Variants in SLC38A5 observed in about 807,000 individuals in gnomAD.
The protein encoded by SLC38A5 is sodium-coupled neutral amino acid transporter 5.
In SLC38A5, 9 loss-of-function variants were observed where a neutral mutation model predicts 34.6. The ratio of observed to expected loss-of-function variants is 0.26; its 90% CI spans 0.16 to 0.45. The LOEUF (loss-of-function observed/expected upper bound fraction) is 0.45. Ranked by LOEUF, SLC38A5 falls within the 20% of genes least tolerant of loss-of-function variation. The pLI is 1.00. For missense variants in SLC38A5, 253 were observed against 394.7 expected (o/e 0.64, Z 3.04); for synonymous variants, 157 against 155.6 (o/e 1.01, Z -0.07).
intron 8 of SLC38A5, among the ~76,000 whole-genome samples, chrX:48,465,310 T>TCACACACA (rs57524341): frequency 1.9e-5 from 2 of 103,459 alleles, no homozygotes; most frequent in East Asian, 3.1e-4. Context: ...CATTCAGGGA[T>TCACACACA]CACACACACA....
chrX:48,468,206 AAG>A, intron 2 of SLC38A5: 1 of 1,018,118 alleles, frequency 9.8e-7, no homozygotes, highest in Non-Finnish European at 1.2e-6. Flanking sequence ...AATAGTGGGG[AAG>A]AGAGAGACAG....
chrX:48,462,243 A>G lies in SLC38A5; in HGVS notation c.623T>C (p.Phe208Ser). 8.3e-7 allele frequency: 1 copy of G among 1,211,331 alleles called. No individual in the cohort carries two copies. Among genetic ancestry groups the G allele is most frequent in the Non-Finnish European group, 1.1e-6 (1 of 895,281 alleles). Reference sequence around the variant, plus strand: ...TTCTCTGTGACTCACCGAAACAAGGAAAAACAGCATGCAGGTCAGAGAGAG... The same window carrying G: ...TTCTCTGTGACTCACCGAAACAAGGGAAAACAGCATGCAGGTCAGAGAGAG... The part of the protein sequence containing the change: ...SGLSLTCMLF[F>S]LVSVIYKKFQ... Residue 208 changes from phenylalanine (F) to serine (S), a missense_variant, in exon 10 of 17, where the codon TTC becomes TCC. Phe to Ser is a radical substitution (Grantham distance 155, BLOSUM62 -2). Coordinates refer to ENST00000620913, the MANE Select transcript of SLC38A5 (RefSeq NM_033518.4).
At chrX:48,460,100 C>T (rs1420778499) in intron 14 of SLC38A5, among the ~76,000 whole-genome samples, 1 of 111,307 alleles carries the variant, frequency 9.0e-6, no homozygotes, top group Non-Finnish European at 1.9e-5. Flanking sequence ...TCTGTCTGAA[C>T]ACCCATCGGC....
At position 48,461,596 on chromosome X, in the gene SLC38A5, C is replaced by G. The variant is rs887249692; in HGVS notation, c.851+122G>C. 12 of 769,137 alleles carry G rather than the reference C, an allele frequency of 1.6e-5. No homozygotes were observed. The African/African-American group carries it at 2.5e-4, about 16-fold the overall frequency. The allele number at this position is 769,137 out of a possible 1,213,427, so 63.4% of individuals were successfully genotyped here. A position where few individuals can be genotyped will look rare whatever the true frequency, so the allele number is the denominator to read the frequency against. Reference sequence around the variant, plus strand: ...ACCTCCTGGCCACCCCAAACCCCTCCCATGACACAACCTAGCTTCCACCAA... The same window carrying G: ...ACCTCCTGGCCACCCCAAACCCCTCGCATGACACAACCTAGCTTCCACCAA... On this transcript the variant is annotated intron_variant, in intron 12 of 16. Transcript: ENST00000620913.
chrX:48,466,913 C>A, intron 5 of SLC38A5, 41 bp from the exon 6 acceptor site: 1 of 1,203,207 alleles, frequency 8.3e-7, no homozygotes, highest in African/African-American at 1.7e-5. Context: ...CCCAGGCCTC[C>A]CACCTGCCCC....
chrX:48,464,397 T>C (rs1368452014), intron 8 of SLC38A5, among the ~76,000 whole-genome samples: 3 of 112,982 alleles, frequency 2.7e-5, no homozygotes, highest in East Asian at 5.5e-4. Flanking sequence ...CTAACTATAA[T>C]AATGAGACAT....
At chrX:48,465,953 G>T in intron 8 of SLC38A5, 62 bp downstream of exon 8, 1 of 979,507 alleles carries the variant, frequency 1.0e-6, no homozygotes, top group South Asian at 2.4e-5. Context: ...TGAAGATACT[G>T]ACCGGGCCTC....
intron 3 of SLC38A5, 26 bp from the exon 4 acceptor site, chrX:48,467,811 C>T (rs782635132): frequency 3.3e-6 from 4 of 1,201,141 alleles, no homozygotes; most frequent in African/African-American, 3.5e-5. Context: ...AAATAGGGGC[C>T]GATAAGAGGG....
chrX:48,460,625 C>T (rs1556961601), intron 14 of SLC38A5, 24 bp downstream of exon 14: 1 of 1,200,302 alleles, frequency 8.3e-7, no homozygotes, highest in Non-Finnish European at 1.1e-6. Context: ...ATCCATGTCC[C>T]TCTCAGCCGT....
Position 48,466,842 on chromosome X carries a change from C to T in SLC38A5, c.276G>A (p.Ser92=), listed in dbSNP as rs782434538. The T allele has an allele frequency of 2.2e-5, 26 of 1,204,628 alleles. No homozygotes were observed. In the Middle Eastern group the frequency reaches 1.1e-3, roughly 53 times the overall value. Residue 92 remains serine (S), a synonymous_variant, in exon 6 of 17, where the codon TCG becomes TCA. Coordinates refer to ENST00000620913, the MANE Select transcript of SLC38A5 (RefSeq NM_033518.4). ...TCAGCAGGAGGTGGATGGAGTAGGA[C>T]GACAGAAGCGCAATGCACAGCAGCA... The part of the protein sequence containing the change: ...LALLLCIALL[S]SYSIHLLLTC...
rs1360548999 is a variant in SLC38A5, at chrX:48,459,085, G to T, written c.1318-51C>A. ...GCTGGTTGGGACTCCTCACCCAGTT[G>T]CCTTCTGAGAATGTTCCTCAAGTCT... On this transcript the variant is annotated intron_variant, in intron 16 of 16. Coordinates refer to ENST00000620913, the MANE Select transcript of SLC38A5 (RefSeq NM_033518.4). 4 of 1,116,614 alleles carry T rather than the reference G, an allele frequency of 3.6e-6. No individual in the cohort carries two copies. The African/African-American group carries it at 5.5e-5, about 15-fold the overall frequency. The allele number at this position is 1,116,614 out of a possible 1,213,427, so 92.0% of individuals were successfully genotyped here.
chrX:48,461,643 T>G, intron 12 of SLC38A5, 75 bp downstream of exon 12: 1 of 1,000,150 alleles, frequency 1.0e-6, no homozygotes, highest in Non-Finnish European at 1.4e-6. Context: ...AGGACTGCTG[T>G]AGGGAGTGTC....
intron 6 of SLC38A5, 127 bp downstream of exon 6, chrX:48,466,672 G>C: frequency 1.4e-6 from 1 of 720,065 alleles, no homozygotes; most frequent in Non-Finnish European, 2.1e-6. Context: ...CGGGATCTGG[G>C]GTCTGCATTC....
At position 48,467,448 on chromosome X, in the gene SLC38A5, CGGGAGGGGAGCAGCCA is replaced by C. The variant is rs200261538; in HGVS notation, c.129+246_129+261del. On this transcript the variant is annotated intron_variant, in intron 4 of 16. Coordinates refer to ENST00000620913, the MANE Select transcript of SLC38A5 (RefSeq NM_033518.4). Reference sequence around the variant, plus strand: ...GAACAGCTGGAGGAGAAAGGCAGGCCGGGAGGGGAGCAGCCAGGGAGGGCAGTCACTGGGCCGAAGA... The same window carrying C: ...GAACAGCTGGAGGAGAAAGGCAGGCCGGGAGGGCAGTCACTGGGCCGAAGA... 262 of 418,783 alleles carry C rather than the reference CGGGAGGGGAGCAGCCA, an allele frequency of 6.3e-4. 1 individual carries two copies. The East Asian group carries it at 7.1e-3, about 11-fold the overall frequency. The allele number at this position is 418,783 out of a possible 1,213,427, so 34.5% of individuals were successfully genotyped here.
chrX:48,463,514 G>A (rs1556962405), intron 8 of SLC38A5, among the ~76,000 whole-genome samples: 1 of 110,780 alleles, frequency 9.0e-6, no homozygotes, highest in African/African-American at 3.3e-5. Context: ...GCTAAGGCAG[G>A]AGAATGGCAT....
At chrX:48,465,310 T>TCTCA (rs1309043004) in intron 8 of SLC38A5, among the ~76,000 whole-genome samples, 19 of 103,483 alleles carry the variant, frequency 1.8e-4, no homozygotes, top group East Asian at 9.2e-4. Context: ...CATTCAGGGA[T>TCTCA]CACACACACA....
intron 8 of SLC38A5, 58 bp downstream of exon 8, chrX:48,465,957 G>A (rs1479730403): frequency 1.1e-5 from 11 of 976,019 alleles, no homozygotes; most frequent in Admixed American, 3.1e-5. Context: ...GATACTGACC[G>A]GGCCTCACAG....
At chrX:48,460,848 A>G in intron 13 of SLC38A5, 84 bp from the exon 14 acceptor site, 4 of 1,035,132 alleles carry the variant, frequency 3.9e-6, no homozygotes, top group Non-Finnish European at 5.3e-6. Context: ...ACATACATGC[A>G]CAGTGACAAA....
At chrX:48,464,462 A>C (rs2061461707) in intron 8 of SLC38A5, among the ~76,000 whole-genome samples, 1 of 112,623 alleles carries the variant, frequency 8.9e-6, no homozygotes, top group Admixed American at 9.4e-5. Flanking sequence ...AAAAATCTAA[A>C]AGGATACACA....
Sources: allele counts gnomAD v4.1 joint callset (sites outside exome capture counted in the v4.1 genomes callset), GRCh38; gene constraint gnomAD v4.1.1; transcripts MANE v1.5; gene names NCBI Gene and HGNC (gene_info 2026-07-23, HGNC 2026-07-21).